The following TASP1 variants were observed in gnomAD, a reference collection of about 807,000 sequenced individuals.
TASP1 encodes threonine aspartase 1.
Under a neutral mutation model 56.6 loss-of-function variants are expected in TASP1, and 16 were observed. The ratio of observed to expected loss-of-function variants is 0.28; its 90% confidence interval spans 0.19 to 0.43. The LOEUF (loss-of-function observed/expected upper bound fraction) is 0.43. Among genes scored for constraint, TASP1 ranks in the 20% least tolerant of loss-of-function variants. The pLI is 1.00. For missense variants in TASP1, 393 were observed against 511.6 expected (o/e 0.77, Z 2.24); for synonymous variants, 179 against 184.2 (o/e 0.97, Z 0.23).
the TASP1 span, among the ~76,000 whole-genome samples, chr20:13,380,422 A>G: frequency 1.3e-5 from 2 of 152,166 alleles, no homozygotes; most frequent in Non-Finnish European, 2.9e-5. Context: ...AACAGCAAAG[A>G]CTACAGCCTG....
chr20:13,551,137 A>G (rs1398109828), intron 8 of TASP1, among the ~76,000 whole-genome samples: 1 of 152,176 alleles, frequency 6.6e-6, no homozygotes, highest in Non-Finnish European at 1.5e-5. Flanking sequence ...TACAAAATTA[A>G]AAGTTGTAGC....
chr20:13,228,357 A>AT, the TASP1 span, among the ~76,000 whole-genome samples: 1 of 144,894 alleles, frequency 6.9e-6, no homozygotes. Context: ...GAATTTATTA[A>AT]TTATAAACTC....
At chr20:13,136,626 A>G in the TASP1 span, among the ~76,000 whole-genome samples, 1 of 146,076 alleles carries the variant, frequency 6.8e-6, no homozygotes, top group Non-Finnish European at 1.5e-5. Context: ...TATAATATAC[A>G]TATAAAAATT....
At chr20:13,221,938 C>A in the TASP1 span, 1 of 1,315,830 alleles carries the variant, frequency 7.6e-7, no homozygotes, top group East Asian at 3.1e-5. Flanking sequence ...CGGAGAGGGC[C>A]GTGCGCGGCT....
At chr20:13,202,952 C>T in the TASP1 span, among the ~76,000 whole-genome samples, 1 of 152,184 alleles carries the variant, frequency 6.6e-6, no homozygotes, top group South Asian at 2.1e-4. Context: ...GCAAGCAGAA[C>T]TTAACATATG....
chr20:13,350,686 T>TA, the TASP1 span, among the ~76,000 whole-genome samples: 9 of 151,626 alleles, frequency 5.9e-5, no homozygotes, highest in Non-Finnish European at 7.4e-5. Flanking sequence ...ATTTTTATTT[T>TA]TATATATATA....
At chr20:13,110,048 GAA>G in the TASP1 span, 2 of 1,393,910 alleles carry the variant, frequency 1.4e-6, no homozygotes, top group Non-Finnish European at 2.0e-6. Flanking sequence ...TCTGGAAAAA[GAA>G]AGTGGAAAAG....
At chr20:13,270,843 T>C in the TASP1 span, 1 of 1,111,656 alleles carries the variant, frequency 9.0e-7, no homozygotes, top group South Asian at 1.5e-5. Context: ...ACTTTTCTTC[T>C]TAACCCCTTA....
At chr20:13,173,042 C>T in the TASP1 span, among the ~76,000 whole-genome samples, 1 of 152,114 alleles carries the variant, frequency 6.6e-6, no homozygotes, top group Non-Finnish European at 1.5e-5. Context: ...TTTGCCATTG[C>T]ATGTGTGGTT....
the TASP1 span, among the ~76,000 whole-genome samples, chr20:13,318,328 A>C: frequency 6.6e-6 from 1 of 152,190 alleles, no homozygotes; most frequent in Non-Finnish European, 1.5e-5. Context: ...ACAACATCAG[A>C]TGCTGACAAG....
intron 10 of TASP1, among the ~76,000 whole-genome samples, chr20:13,484,493 G>A (rs150756060): frequency 0.021 from 3,264 of 152,180 alleles, 108 homozygotes; most frequent in African/African-American, 0.074. Context: ...CCAACACTTT[G>A]GGAGGCCGAG....
chr20:13,205,795 A>G, the TASP1 span, among the ~76,000 whole-genome samples: 2 of 152,154 alleles, frequency 1.3e-5, no homozygotes, highest in Non-Finnish European at 2.9e-5. Flanking sequence ...GGGAAGTGAG[A>G]GTGAGAGGGA....
intron 11 of TASP1, among the ~76,000 whole-genome samples, chr20:13,441,731 C>T (rs896043864): frequency 6.6e-6 from 1 of 152,164 alleles, no homozygotes; most frequent in Non-Finnish European, 1.5e-5. Flanking sequence ...ACTAAAGAAG[C>T]TGCTGTGGCA....
the TASP1 span, among the ~76,000 whole-genome samples, chr20:13,123,918 C>T: frequency 6.6e-6 from 1 of 152,108 alleles, no homozygotes; most frequent in African/African-American, 2.4e-5. Context: ...TAGAGAAAGG[C>T]AATCCCTGCT....
intron 11 of TASP1, among the ~76,000 whole-genome samples, chr20:13,443,081 A>G (rs909001288): frequency 6.6e-6 from 1 of 152,174 alleles, no homozygotes; most frequent in Non-Finnish European, 1.5e-5. Context: ...ATTTGGTGGC[A>G]GTAACATTGA....
the TASP1 span, among the ~76,000 whole-genome samples, chr20:13,298,369 GC>G: frequency 6.6e-6 from 1 of 152,200 alleles, no homozygotes; most frequent in African/African-American, 2.4e-5. Flanking sequence ...GCCCGCCTCA[GC>G]CTCCCAAAGT....
chr20:13,267,478 A>T, the TASP1 span, among the ~76,000 whole-genome samples: 1 of 152,136 alleles, frequency 6.6e-6, no homozygotes, highest in African/African-American at 2.4e-5. Context: ...TGTAGACACA[A>T]CCCAACCCAA....
intron 13 of TASP1, among the ~76,000 whole-genome samples, chr20:13,395,452 A>G (rs2041489832): frequency 6.6e-6 from 1 of 152,198 alleles, no homozygotes; most frequent in Admixed American, 6.6e-5. Flanking sequence ...CATAGAAAAC[A>G]TCTAATTTTT....
chr20:13,297,099 G>T, the TASP1 span, among the ~76,000 whole-genome samples: 13 of 152,176 alleles, frequency 8.5e-5, no homozygotes, highest in Admixed American at 7.9e-4. Context: ...TTGAGGCAAA[G>T]AAGGGAATTT....
Sources: gnomAD v4.1 joint callset for allele counts (sites outside exome capture counted in the v4.1 genomes callset) on GRCh38, gnomAD v4.1.1 for gene constraint, MANE v1.5 for transcripts, NCBI Gene and HGNC (gene_info 2026-07-23, HGNC 2026-07-21) for gene names.